The following CCSER1 variants were observed in gnomAD, a reference collection of about 807,000 sequenced individuals.
The protein encoded by CCSER1 is serine-rich coiled-coil domain-containing protein 1.
In CCSER1, 41 loss-of-function variants were observed where a neutral mutation model predicts 82.0. The ratio of observed to expected loss-of-function variants is 0.50; its 90% CI spans 0.39 to 0.65. The LOEUF is 0.65. Ranked by LOEUF, CCSER1 falls within the 30% of genes least tolerant of loss-of-function variation. The pLI, the probability that CCSER1 is intolerant of heterozygous loss-of-function variation, is 0.00. For synonymous variants in CCSER1, 414 were observed against 383.9 expected, an observed-to-expected ratio of 1.08 and a Z score of -0.92; for missense variants, 1,119 against 1,064.2, an observed-to-expected ratio of 1.05 and a Z score of -0.72.
intron 10 of CCSER1, among the ~76,000 whole-genome samples, chr4:91,443,022 G>A (rs1279917479): frequency 8.5e-5 from 13 of 152,114 alleles, no homozygotes; most frequent in Non-Finnish European, 1.6e-4. Context: ...TACACTGTTG[G>A]TGGGACTGTA....
At chr4:91,452,399 G>A (rs1040992377) in intron 10 of CCSER1, among the ~76,000 whole-genome samples, 39 of 151,944 alleles carry the variant, frequency 2.6e-4, no homozygotes, top group African/African-American at 9.4e-4. Context: ...CTTTTATGTG[G>A]TTTTGTCTTA....
intron 5 of CCSER1, among the ~76,000 whole-genome samples, chr4:90,497,757 T>G (rs935071755): frequency 1.3e-5 from 2 of 152,222 alleles, no homozygotes; most frequent in African/African-American, 4.8e-5. Flanking sequence ...GTCACTGGTC[T>G]TTGGAATAAC....
chr4:90,304,811 TA>T (rs550740382), intron 1 of CCSER1, among the ~76,000 whole-genome samples: 65 of 151,120 alleles, frequency 4.3e-4, no homozygotes, highest in Non-Finnish European at 5.3e-4. Context: ...TAATAAAAAA[TA>T]AAAAAAAATA....
At chr4:91,401,734 C>A (rs1241977723) in intron 10 of CCSER1, among the ~76,000 whole-genome samples, 1 of 152,050 alleles carries the variant, frequency 6.6e-6, no homozygotes, top group African/African-American at 2.4e-5. Flanking sequence ...TGAACTCATC[C>A]TTTTGTATGG....
chr4:90,736,323 AT>A (rs1364339521), intron 7 of CCSER1, among the ~76,000 whole-genome samples: 2 of 152,054 alleles, frequency 1.3e-5, no homozygotes, highest in Non-Finnish European at 2.9e-5. Flanking sequence ...CCCAAGTATT[AT>A]TGTATTGGAG....
At chr4:90,925,690 G>A (rs1728971787) in intron 9 of CCSER1, among the ~76,000 whole-genome samples, 1 of 152,070 alleles carries the variant, frequency 6.6e-6, no homozygotes, top group Admixed American at 6.6e-5. Context: ...CTCTAAGCAT[G>A]AAAATAAAAA....
chr4:91,079,363 C>A lies in CCSER1; in HGVS notation c.2173-6587C>A, dbSNP rs191703606. ...AAGGAGAAATAAAATCTTTTACAGA[C>A]AAGCAAATGCTGAGAGATTTTGTCA... On this transcript the variant is annotated intron_variant, in intron 9 of 10. Transcript: ENST00000509176. Among the ~76,000 whole-genome samples, 820 of 152,250 alleles carry A rather than the reference C, an allele frequency of 5.4e-3. 3 individuals are homozygous for A. Among genetic ancestry groups the A allele is most frequent in the Non-Finnish European group, 8.3e-3 (565 of 68,004 alleles).
chr4:91,430,280 T>A (rs1754218754), intron 10 of CCSER1, among the ~76,000 whole-genome samples: 1 of 152,180 alleles, frequency 6.6e-6, no homozygotes. Flanking sequence ...TGTGTGTGAA[T>A]ATAGTGGACA....
At chr4:90,823,168 T>C (rs999336490) in intron 8 of CCSER1, among the ~76,000 whole-genome samples, 1 of 152,146 alleles carries the variant, frequency 6.6e-6, no homozygotes, top group African/African-American at 2.4e-5. Flanking sequence ...AAGATTTTTT[T>C]GTGGGTCTGA....
intron 10 of CCSER1, among the ~76,000 whole-genome samples, chr4:91,118,603 T>G (rs936859740): frequency 6.6e-5 from 10 of 152,184 alleles, no homozygotes; most frequent in African/African-American, 2.4e-4. Context: ...TCATTTAGAT[T>G]GGTTAACTTC....
intron 8 of CCSER1, among the ~76,000 whole-genome samples, chr4:90,909,688 CT>C (rs1193574378): frequency 6.6e-6 from 1 of 152,122 alleles, no homozygotes; most frequent in Non-Finnish European, 1.5e-5. Flanking sequence ...TTATGTCCCT[CT>C]TTACGAGGCC....
chr4:90,977,563 T>G (rs2150412767), intron 9 of CCSER1, among the ~76,000 whole-genome samples: 1 of 151,796 alleles, frequency 6.6e-6, no homozygotes, highest in African/African-American at 2.4e-5. Context: ...ACAGACATCA[T>G]ATATGTGAAT....
chr4:90,801,300 A>C (rs1756772587), intron 7 of CCSER1, among the ~76,000 whole-genome samples: 1 of 152,122 alleles, frequency 6.6e-6, no homozygotes, highest in Non-Finnish European at 1.5e-5. Context: ...TATGTCTGAA[A>C]CCCTACTTAT....
At chr4:91,288,119 T>C (rs1043224327) in intron 10 of CCSER1, among the ~76,000 whole-genome samples, 9 of 57,494 alleles carry the variant, frequency 1.6e-4, no homozygotes, top group East Asian at 6.6e-4. Flanking sequence ...TATATATATA[T>C]ACACACTCAT....
chr4:90,408,948 G>T (rs909429364), intron 4 of CCSER1, among the ~76,000 whole-genome samples: 1 of 152,236 alleles, frequency 6.6e-6, no homozygotes, highest in African/African-American at 2.4e-5. Context: ...ACCTCATGGA[G>T]CTGAAAACCA....
chr4:91,337,356 T>C (rs1248663315), intron 10 of CCSER1, among the ~76,000 whole-genome samples: 1 of 152,128 alleles, frequency 6.6e-6, no homozygotes, highest in East Asian at 1.9e-4. Flanking sequence ...TGTGGTCAAG[T>C]CTTGCCTCAT....
At chr4:90,425,693 G>A (rs1417270423) in intron 4 of CCSER1, among the ~76,000 whole-genome samples, 12 of 152,068 alleles carry the variant, frequency 7.9e-5, no homozygotes. Flanking sequence ...CCACCAAACT[G>A]ATCTTGATCA....
chr4:90,151,430 T>G (rs1367393542), intron 1 of CCSER1, among the ~76,000 whole-genome samples: 1 of 152,112 alleles, frequency 6.6e-6, no homozygotes, highest in African/African-American at 2.4e-5. Flanking sequence ...TTCTATAAAG[T>G]CTACCATTTG....
intron 1 of CCSER1, among the ~76,000 whole-genome samples, chr4:90,130,768 C>T (rs1246907152): frequency 2.6e-5 from 4 of 151,320 alleles, no homozygotes; most frequent in African/African-American, 7.3e-5. Context: ...GGACTACAGG[C>T]GCATGCCACC....
Sources: allele counts gnomAD v4.1 joint callset (sites outside exome capture counted in the v4.1 genomes callset), GRCh38; gene constraint gnomAD v4.1.1; transcripts MANE v1.5; gene names NCBI Gene and HGNC (gene_info 2026-07-23, HGNC 2026-07-21).